RAB38: variants seen among roughly 807,000 people sequenced by gnomAD.
RAB38 encodes RAB38, member RAS oncogene family.
RAB38 carries 15 observed loss-of-function variants against 18.4 expected under a neutral mutation model. The observed-to-expected ratio is 0.82, with a 90% CI of 0.55 to 1.26. The LOEUF (loss-of-function observed/expected upper bound fraction) is 1.26. RAB38 is among the 50% of genes most tolerant of loss of function. The pLI is 0.00. For missense variants in RAB38, 294 were observed against 267.4 expected (o/e 1.10, Z -0.69); for synonymous variants, 101 against 104.4 (o/e 0.97, Z 0.20).
At chr11:87,902,781 AATG>A in the RAB38 span, among the ~76,000 whole-genome samples, 7 of 151,196 alleles carry the variant, frequency 4.6e-5, no homozygotes, top group Non-Finnish European at 7.4e-5. Context: ...GATGCTTTCA[AATG>A]ATATTTTAAA....
the RAB38 span, among the ~76,000 whole-genome samples, chr11:87,952,930 CAAT>C: frequency 6.6e-6 from 1 of 152,002 alleles, no homozygotes; most frequent in South Asian, 2.1e-4. Context: ...TTATTATAGA[CAAT>C]AAGTATTTTT....
At chr11:88,163,366 AAAG>A (rs746898700) in intron 1 of RAB38, among the ~76,000 whole-genome samples, 4 of 152,284 alleles carry the variant, frequency 2.6e-5, no homozygotes, top group East Asian at 1.9e-4. Context: ...AGGCTGAATA[AAAG>A]AAGATCTTTG....
At chr11:87,806,721 G>A in the RAB38 span, among the ~76,000 whole-genome samples, 7 of 152,076 alleles carry the variant, frequency 4.6e-5, no homozygotes, top group African/African-American at 1.7e-4. Flanking sequence ...GCAGAGTAAG[G>A]TAAAATATTT....
At chr11:87,847,001 A>T in the RAB38 span, among the ~76,000 whole-genome samples, 2 of 152,140 alleles carry the variant, frequency 1.3e-5, no homozygotes, top group Non-Finnish European at 2.9e-5. Flanking sequence ...ATATATCAAA[A>T]TTTTTCTGAG....
intron 1 of RAB38, among the ~76,000 whole-genome samples, chr11:88,152,453 G>T (rs898796959): frequency 6.6e-6 from 1 of 152,200 alleles, no homozygotes; most frequent in Admixed American, 6.5e-5. Context: ...GTGTGTGTTT[G>T]AGTTTGTGAA....
the RAB38 span, among the ~76,000 whole-genome samples, chr11:88,004,140 A>T: frequency 6.7e-6 from 1 of 148,956 alleles, no homozygotes; most frequent in African/African-American, 2.4e-5. Flanking sequence ...AAATACTGAT[A>T]AAATATTACT....
At chr11:87,831,565 C>T in the RAB38 span, among the ~76,000 whole-genome samples, 14 of 152,242 alleles carry the variant, frequency 9.2e-5, 1 homozygote, top group South Asian at 2.7e-3. Context: ...CCAAAGGTAA[C>T]AGTGAGTTGT....
the RAB38 span, among the ~76,000 whole-genome samples, chr11:87,867,839 C>G: frequency 6.6e-6 from 1 of 151,598 alleles, no homozygotes; most frequent in Non-Finnish European, 1.5e-5. Context: ...AAACTAAGAT[C>G]CAGAGAGTTA....
chr11:87,921,720 G>C, the RAB38 span, among the ~76,000 whole-genome samples: 1 of 151,756 alleles, frequency 6.6e-6, no homozygotes, highest in African/African-American at 2.4e-5. Flanking sequence ...CCTAGTATGT[G>C]CCTGGCACAT....
At chr11:87,879,089 T>G in the RAB38 span, among the ~76,000 whole-genome samples, 1 of 151,262 alleles carries the variant, frequency 6.6e-6, no homozygotes, top group Non-Finnish European at 1.5e-5. Flanking sequence ...CTCTGGTCGT[T>G]TGCTTTGCTT....
the RAB38 span, among the ~76,000 whole-genome samples, chr11:87,961,095 T>C: frequency 6.6e-6 from 1 of 152,070 alleles, no homozygotes; most frequent in African/African-American, 2.4e-5. Context: ...TAAAATAAAA[T>C]TTTCAAGTCT....
At chr11:87,878,222 T>TATATATATATATATATATATACACACAC in the RAB38 span, among the ~76,000 whole-genome samples, 78 of 116,190 alleles carry the variant, frequency 6.7e-4, 2 homozygotes, top group African/African-American at 3.2e-3. Context: ...TATATATATA[T>TATATATATATATATATATATACACACAC]ACACACATAT....
At chr11:87,959,091 G>T in the RAB38 span, among the ~76,000 whole-genome samples, 1 of 152,028 alleles carries the variant, frequency 6.6e-6, no homozygotes, top group African/African-American at 2.4e-5. Context: ...TCATCAAATG[G>T]GCCCTAGGAT....
chr11:87,858,818 C>T, the RAB38 span, among the ~76,000 whole-genome samples: 1 of 151,408 alleles, frequency 6.6e-6, no homozygotes, highest in Non-Finnish European at 1.5e-5. Flanking sequence ...GACGGATTTG[C>T]AGGTATTTAT....
chr11:88,023,161 A>C, the RAB38 span, among the ~76,000 whole-genome samples: 1 of 152,202 alleles, frequency 6.6e-6, no homozygotes, highest in Non-Finnish European at 1.5e-5. Flanking sequence ...AAAGTTAAAA[A>C]AAATGAGAGA....
At chr11:87,970,485 T>G in the RAB38 span, among the ~76,000 whole-genome samples, 1 of 152,026 alleles carries the variant, frequency 6.6e-6, no homozygotes, top group Non-Finnish European at 1.5e-5. Flanking sequence ...CTCTCTTACG[T>G]TTTGTGCCCG....
At chr11:87,895,893 T>G in the RAB38 span, among the ~76,000 whole-genome samples, 1 of 151,640 alleles carries the variant, frequency 6.6e-6, no homozygotes, top group African/African-American at 2.4e-5. Flanking sequence ...AACCAAGTCT[T>G]CAAAAGGAAC....
At chr11:87,888,434 A>G in the RAB38 span, among the ~76,000 whole-genome samples, 4 of 151,972 alleles carry the variant, frequency 2.6e-5, no homozygotes, top group South Asian at 8.3e-4. Flanking sequence ...ACATGGGTCT[A>G]AATCCTAGTT....
chr11:87,970,271 C>G, the RAB38 span, among the ~76,000 whole-genome samples: 1 of 151,912 alleles, frequency 6.6e-6, no homozygotes, highest in Non-Finnish European at 1.5e-5. Context: ...AACAAAATAT[C>G]AAAATTTTAA....
Sources: allele counts gnomAD v4.1 joint callset (sites outside exome capture counted in the v4.1 genomes callset), GRCh38; gene constraint gnomAD v4.1.1; transcripts MANE v1.5; gene names NCBI Gene and HGNC (gene_info 2026-07-23, HGNC 2026-07-21).